Variants in NEO1 observed in about 807,000 individuals in gnomAD.
The protein encoded by NEO1 is neogenin.
NEO1 carries 63 observed loss-of-function variants against 159.7 expected under a neutral mutation model. The ratio of observed to expected loss-of-function variants is 0.39; its 90% CI spans 0.32 to 0.49. The LOEUF is 0.49. Among genes scored for constraint, NEO1 ranks in the 20% least tolerant of loss-of-function variants. The pLI is 0.85. For synonymous variants in NEO1, 633 were observed against 662.0 expected, an observed-to-expected ratio of 0.96 and a Z score of 0.67; for missense variants, 1,615 against 1,831.0, an observed-to-expected ratio of 0.88 and a Z score of 2.15.
chr15:73,239,645 A>G (rs2039390089), intron 8 of NEO1, among the ~76,000 whole-genome samples: 1 of 152,166 alleles, frequency 6.6e-6, no homozygotes, highest in Admixed American at 6.5e-5. Flanking sequence ...CATGCTGTGC[A>G]GGTTCGTAGC....
intron 5 of NEO1, among the ~76,000 whole-genome samples, chr15:73,167,180 C>A (rs1439911257): frequency 6.7e-6 from 1 of 149,112 alleles, no homozygotes. Context: ...ATGTAAATGA[C>A]GAGTTAATGG....
In NEO1 at chr15:73,160,501, C is replaced by T. The variant is rs534054225; in HGVS notation, c.1016-15902C>T. ...CTCACAGGTTGAGAGCTCAGGACCA[C>T]CAGACTACCATCTCTCTTCAGGTGG... On this transcript the variant is annotated intron_variant, in intron 5 of 28. Coordinates refer to ENST00000261908, the MANE Select transcript of NEO1 (RefSeq NM_002499.4). Among the ~76,000 whole-genome samples, 8 of 152,242 alleles carry T rather than the reference C, an allele frequency of 5.3e-5. No homozygotes were observed. In the South Asian group the frequency reaches 1.7e-3, roughly 32 times the overall value.
intron 1 of NEO1, among the ~76,000 whole-genome samples, chr15:73,063,406 T>C (rs1052847625): frequency 6.6e-6 from 1 of 152,002 alleles, no homozygotes; most frequent in Admixed American, 6.6e-5. Context: ...GTTTTTATTA[T>C]TGTATACTAG....
Position 73,106,741 on chromosome 15 carries a change from A to G in NEO1, c.131-9799A>G, listed in dbSNP as rs7166369. ...CTTTGTGGTGTAGTTTTCCCATTGT[A>G]AAATGGGGATAATAATAGTTCTTAC... On this transcript the variant is annotated intron_variant, in intron 1 of 28. Transcript: ENST00000261908. Among the ~76,000 whole-genome samples the G allele has an allele frequency of 8.6e-3, 1,304 of 152,280 alleles. 23 individuals carry two copies. Among genetic ancestry groups the G allele is most frequent in the African/African-American group, 0.03 (1,229 of 41,548 alleles).
chr15:73,292,836 T>G (rs2042209971), intron 25 of NEO1, among the ~76,000 whole-genome samples: 1 of 152,230 alleles, frequency 6.6e-6, no homozygotes, highest in Non-Finnish European at 1.5e-5. Context: ...TGAAAGCCGA[T>G]TAAACAGCTA....
chr15:73,201,958 T>G (rs2036920930), intron 7 of NEO1, among the ~76,000 whole-genome samples: 1 of 143,304 alleles, frequency 7.0e-6, no homozygotes, highest in Non-Finnish European at 1.5e-5. Context: ...ATCATTCTTT[T>G]TTTTTTTTTT....
At chr15:73,226,277 A>G (rs1470001395) in intron 7 of NEO1, among the ~76,000 whole-genome samples, 1 of 152,184 alleles carries the variant, frequency 6.6e-6, no homozygotes, top group Admixed American at 6.5e-5. Context: ...GCCTCCGCAC[A>G]CTGCTCTGTC....
rs115502490 is a variant in NEO1 at position 73,241,869 on chromosome 15, G to A, written c.1452-2475G>A. ...TAATGCTTCTATAGAAATTTGATGT[G>A]GGTATTAGTAACCTTCACTTATTTC... On this transcript the variant is annotated intron_variant, in intron 8 of 28. Transcript: ENST00000261908. Among the ~76,000 whole-genome samples, 1,305 of 151,956 alleles carry A rather than the reference G, an allele frequency of 8.6e-3. 22 individuals are homozygous for A. Among genetic ancestry groups the A allele is most frequent in the African/African-American group, 0.03 (1,233 of 41,418 alleles).
At position 73,134,529 on chromosome 15, in the gene NEO1, A is replaced by AT. The variant is rs1324301790; in HGVS notation, c.879-1352dup. Among the ~76,000 whole-genome samples, 81 of 148,948 alleles carry AT rather than the reference A, an allele frequency of 5.4e-4. 1 individual carries two copies. The highest frequency in any genetic ancestry group is 1.6e-3 in the African/African-American group (64 of 40,694). ...CAAGACTGTATAGTCATTTCCTCTGATTTTTTTTTTAATCCTATAAGGAAT... is the reference window on the plus strand; with the variant it reads ...CAAGACTGTATAGTCATTTCCTCTGATTTTTTTTTTTAATCCTATAAGGAAT... On this transcript the variant is annotated intron_variant, in intron 4 of 28. Transcript: ENST00000261908.
rs145481092 is a variant in NEO1, at chr15:73,298,223, T to C, written c.3902-125T>C. ...GCAGTGGTGCTAATCCATGTTCTCT[T>C]GGACTAGCACTGATCGCAAGTGCTA... On this transcript the variant is annotated intron_variant, in intron 26 of 28. Transcript: ENST00000261908. 3,291 of 1,138,634 alleles carry C rather than the reference T, an allele frequency of 2.9e-3. 14 individuals carry two copies. The highest frequency in any genetic ancestry group is 6.0e-3 in the Admixed American group (239 of 40,078). 70.5% of individuals were successfully genotyped at this position (1,138,634 alleles called of 1,614,324 possible).
At chr15:73,236,266 C>A in intron 7 of NEO1, 81 bp from the exon 8 acceptor site, 1 of 1,602,466 alleles carries the variant, frequency 6.2e-7, no homozygotes, top group East Asian at 2.2e-5. Flanking sequence ...TTCATATTCC[C>A]CAATGTTTGC....
At chr15:73,098,174 C>T (rs1035482566) in intron 1 of NEO1, among the ~76,000 whole-genome samples, 2 of 151,930 alleles carry the variant, frequency 1.3e-5, no homozygotes, top group African/African-American at 2.4e-5. Context: ...TTTTGCAGTT[C>T]TTTTGGTCCT....
At position 73,122,739 on chromosome 15, in the gene NEO1, C is replaced by T. The variant is rs148761830; in HGVS notation, c.663C>T (p.Cys221=). The T allele has an allele frequency of 1.6e-3, 2,587 of 1,614,086 alleles. 18 individuals carry two copies. The highest frequency in any genetic ancestry group is 5.6e-3 in the South Asian group (513 of 91,074). Residue 221 remains cysteine (C), a synonymous_variant, in exon 3 of 29, where the codon TGC becomes TGT. Transcript: ENST00000261908. The stretch of plus-strand genomic sequence containing the variant: ...AAGGAGATGGCGGGCTTTATCGCTG[C>T]GTAGTGGAAAGTGGTGGGCCACCAA... ...ATEGDGGLYR[C]VVESGGPPKY...
intron 13 of NEO1, chr15:73,255,229 C>T (rs778242669): frequency 5.6e-5 from 9 of 159,950 alleles, no homozygotes; most frequent in Non-Finnish European, 1.1e-4. Context: ...CTCGTGTGTA[C>T]GTGGCCTGAA....
At chr15:73,227,487 C>G (rs2038656121) in intron 7 of NEO1, among the ~76,000 whole-genome samples, 1 of 152,134 alleles carries the variant, frequency 6.6e-6, no homozygotes, top group Non-Finnish European at 1.5e-5. Context: ...CAGACTCCAT[C>G]TCAAAAACAA....
At chr15:73,086,476 G>A (rs921213567) in intron 1 of NEO1, among the ~76,000 whole-genome samples, 2 of 151,760 alleles carry the variant, frequency 1.3e-5, no homozygotes, top group Admixed American at 6.6e-5. Context: ...GATTATGACT[G>A]GAATTGTATT....
intron 23 of NEO1, among the ~76,000 whole-genome samples, chr15:73,284,815 C>T (rs2041879589): frequency 6.6e-6 from 1 of 151,482 alleles, no homozygotes; most frequent in South Asian, 2.1e-4. Flanking sequence ...CTCGAATTCC[C>T]GACCTCAAAT....
chr15:73,114,546 C>T (rs1343856668), intron 1 of NEO1, among the ~76,000 whole-genome samples: 1 of 152,138 alleles, frequency 6.6e-6, no homozygotes, highest in Non-Finnish European at 1.5e-5. Context: ...CTTTTTCAAA[C>T]ACATATACTT....
intron 27 of NEO1, chr15:73,299,954 T>C (rs1279585112): frequency 6.6e-6 from 1 of 152,240 alleles, no homozygotes; most frequent in East Asian, 1.9e-4. Context: ...CAGCAAGTTG[T>C]AGTTTTTTAA....
Sources: gnomAD v4.1 joint callset for allele counts (sites outside exome capture counted in the v4.1 genomes callset) on GRCh38, gnomAD v4.1.1 for gene constraint, MANE v1.5 for transcripts, NCBI Gene and HGNC (gene_info 2026-07-23, HGNC 2026-07-21) for gene names.